The following COMMD1 variants were observed in gnomAD, a reference collection of about 807,000 sequenced individuals.
The protein encoded by COMMD1 is copper metabolism domain containing 1.
Under a neutral mutation model 17.2 loss-of-function variants are expected in COMMD1, and 10 were observed. The ratio of observed to expected loss-of-function variants is 0.58; its 90% confidence interval spans 0.36 to 0.99. The LOEUF is 0.99. Ranked by LOEUF, COMMD1 falls within the 50% of genes least tolerant of loss-of-function variation. The pLI is 0.01. For synonymous variants in COMMD1, 97 were observed against 91.6 expected, an observed-to-expected ratio of 1.06 and a Z score of -0.34; for missense variants, 270 against 231.8, an observed-to-expected ratio of 1.17 and a Z score of -1.07.
chr2:62,113,984 A>G (rs999183337), intron 2 of COMMD1, among the ~76,000 whole-genome samples: 6 of 152,160 alleles, frequency 3.9e-5, no homozygotes, highest in African/African-American at 1.4e-4. Flanking sequence ...TGAGGATACA[A>G]TTTTCCGTTA....
In COMMD1 at chr2:61,935,580, C is replaced by G. The variant is rs117500832; in HGVS notation, c.180+29722C>G. Among the ~76,000 whole-genome samples the G allele has an allele frequency of 3.7e-3, 556 of 150,906 alleles. 5 individuals carry two copies. Among genetic ancestry groups the G allele is most frequent in the East Asian group, 0.034 (171 of 5,076 alleles). On this transcript the variant is annotated intron_variant, in intron 1 of 2. Transcript: ENST00000311832. Reference sequence around the variant, plus strand: ...GAGGTGGATGTTGCAGTGAGCCGACCGAGATCACACTGCTACACTTCAGCC... The same window carrying G: ...GAGGTGGATGTTGCAGTGAGCCGACGGAGATCACACTGCTACACTTCAGCC...
At chr2:62,072,612 C>T (rs1671227702) in intron 2 of COMMD1, among the ~76,000 whole-genome samples, 1 of 152,228 alleles carries the variant, frequency 6.6e-6, no homozygotes, top group African/African-American at 2.4e-5. Flanking sequence ...TCCTGGCCAG[C>T]TCACCAAGCT....
intron 2 of COMMD1, among the ~76,000 whole-genome samples, chr2:62,123,381 T>C (rs1353653027): frequency 6.6e-6 from 1 of 151,310 alleles, no homozygotes; most frequent in East Asian, 1.9e-4. Context: ...GGCGCGCACC[T>C]GTAGTACCAG....
chr2:62,056,333 A>G (rs967897133), intron 2 of COMMD1, among the ~76,000 whole-genome samples: 3 of 152,208 alleles, frequency 2.0e-5, no homozygotes, highest in Non-Finnish European at 2.9e-5. Context: ...TCTCTTATGC[A>G]CAGAAGTGAA....
At chr2:62,060,994 A>G (rs1368361795) in intron 2 of COMMD1, among the ~76,000 whole-genome samples, 1 of 151,038 alleles carries the variant, frequency 6.6e-6, no homozygotes, top group East Asian at 1.9e-4. Flanking sequence ...TGCTGTTTTG[A>G]CCTTTTAGGG....
chr2:62,009,091 C>CT (rs1435149987), intron 2 of COMMD1, among the ~76,000 whole-genome samples: 4 of 151,610 alleles, frequency 2.6e-5, no homozygotes, highest in Non-Finnish European at 5.9e-5. Flanking sequence ...GTCTAGAATA[C>CT]TTTAAAAAAA....
At chr2:62,006,470 C>A (rs1273811734) in intron 2 of COMMD1, among the ~76,000 whole-genome samples, 1 of 151,918 alleles carries the variant, frequency 6.6e-6, no homozygotes. Flanking sequence ...AGGCATTATA[C>A]CTTAATGGAA....
chr2:62,028,465 T>C (rs1669827781), intron 2 of COMMD1, among the ~76,000 whole-genome samples: 2 of 152,348 alleles, frequency 1.3e-5, no homozygotes, highest in African/African-American at 4.8e-5. Context: ...AAAGCAGTAC[T>C]ATTTTCCTTC....
At chr2:61,998,448 C>T (rs530654125) in intron 1 of COMMD1, among the ~76,000 whole-genome samples, 4 of 151,978 alleles carry the variant, frequency 2.6e-5, no homozygotes, top group African/African-American at 9.6e-5. Flanking sequence ...TTAGTAGAGA[C>T]AGGGTTTCAC....
intron 2 of COMMD1, among the ~76,000 whole-genome samples, chr2:62,007,582 G>A (rs1339742472): frequency 6.6e-6 from 1 of 152,114 alleles, no homozygotes; most frequent in African/African-American, 2.4e-5. Flanking sequence ...ATTTAGATAT[G>A]TTTAGTTACA....
chr2:61,954,630 G>T (rs1671145509), intron 1 of COMMD1, among the ~76,000 whole-genome samples: 1 of 151,850 alleles, frequency 6.6e-6, no homozygotes, highest in Non-Finnish European at 1.5e-5. Flanking sequence ...TAAAGATAAA[G>T]GATAGTATTA....
chr2:62,085,871 A>G (rs990330319), intron 2 of COMMD1, among the ~76,000 whole-genome samples: 3 of 152,026 alleles, frequency 2.0e-5, no homozygotes, highest in Non-Finnish European at 2.9e-5. Flanking sequence ...CCAGCTACTC[A>G]GGACGCTGAG....
chr2:62,041,506 A>C (rs899154277), intron 2 of COMMD1, among the ~76,000 whole-genome samples: 3 of 152,158 alleles, frequency 2.0e-5, no homozygotes, highest in Admixed American at 6.6e-5. Flanking sequence ...TCCAGGCCCA[A>C]GCAATCCTCC....
At chr2:62,118,182 G>A (rs1672654782) in intron 2 of COMMD1, 1 of 152,124 alleles carries the variant, frequency 6.6e-6, no homozygotes, top group South Asian at 2.1e-4. Context: ...ATGTGCTTTG[G>A]GTTAGATGGG....
intron 1 of COMMD1, among the ~76,000 whole-genome samples, chr2:61,935,942 A>G (rs1016480094): frequency 6.6e-6 from 1 of 151,552 alleles, no homozygotes; most frequent in Non-Finnish European, 1.5e-5. Context: ...TCAGCCTCCT[A>G]AGTAGCTGGG....
chr2:61,941,790 T>TA (rs1670754968), intron 1 of COMMD1, among the ~76,000 whole-genome samples: 1 of 152,242 alleles, frequency 6.6e-6, no homozygotes, highest in Admixed American at 6.5e-5. Context: ...ATTTTGTCCT[T>TA]AAAATGGTCA....
At chr2:62,031,919 A>G (rs1053931399) in intron 2 of COMMD1, among the ~76,000 whole-genome samples, 21 of 152,322 alleles carry the variant, frequency 1.4e-4, no homozygotes, top group African/African-American at 4.6e-4. Flanking sequence ...AACATCCACT[A>G]TCACATTAAC....
upstream of COMMD1, among the ~76,000 whole-genome samples, chr2:61,904,064 G>T (rs974144814): frequency 2.6e-5 from 4 of 152,140 alleles, no homozygotes; most frequent in African/African-American, 9.7e-5. Flanking sequence ...GCGACAGAGT[G>T]CAGTGGCGTG....
At chr2:61,947,104 T>G (rs1194896156) in intron 1 of COMMD1, among the ~76,000 whole-genome samples, 1 of 152,196 alleles carries the variant, frequency 6.6e-6, no homozygotes, top group Non-Finnish European at 1.5e-5. Flanking sequence ...AAATATAAAC[T>G]TCTTCATAAT....
Sources: gnomAD v4.1 joint callset for allele counts (sites outside exome capture counted in the v4.1 genomes callset) on GRCh38, gnomAD v4.1.1 for gene constraint, MANE v1.5 for transcripts, NCBI Gene and HGNC (gene_info 2026-07-23, HGNC 2026-07-21) for gene names.